The following VPS41 variants were observed in gnomAD, a reference collection of about 807,000 sequenced individuals.
VPS41 encodes vacuolar protein sorting-associated protein 41 homolog.
In VPS41, 85 loss-of-function variants were observed where a neutral mutation model predicts 130.9. That is an observed-to-expected ratio of 0.65 (90% CI 0.55 to 0.78). VPS41 has a LOEUF of 0.78. Ranked by LOEUF, VPS41 falls within the 30% of genes least tolerant of loss-of-function variation. The pLI, the probability that VPS41 is intolerant of heterozygous loss-of-function variation, is 0.00. For synonymous variants in VPS41, 335 were observed against 332.9 expected, an observed-to-expected ratio of 1.01 and a Z score of -0.07; for missense variants, 874 against 1,018.7, an observed-to-expected ratio of 0.86 and a Z score of 1.93.
In VPS41 at chr7:38,796,740, T is replaced by G; in HGVS notation, c.570+5A>C. 1 of 1,613,732 alleles carries G rather than the reference T, an allele frequency of 6.2e-7. No individual in the cohort carries two copies. The highest frequency in any genetic ancestry group is 8.5e-7 in the Non-Finnish European group (1 of 1,179,734). The stretch of plus-strand genomic sequence containing the variant: ...GCATTAGGAAGACAGAGGCATATTT[T>G]TTACCATATTATTGGCCCAAGCAAT... On this transcript the variant is annotated splice_donor_5th_base_variant and intron_variant, in intron 8 of 28. Transcript: ENST00000310301.
intron 27 of VPS41, among the ~76,000 whole-genome samples, chr7:38,727,700 T>C (rs1795575947): frequency 6.6e-6 from 1 of 152,172 alleles, no homozygotes; most frequent in Non-Finnish European, 1.5e-5. Context: ...TAGAACAACT[T>C]CTCATGGACT....
chr7:38,893,445 T>C (rs1022851877), intron 2 of VPS41, among the ~76,000 whole-genome samples: 1 of 152,232 alleles, frequency 6.6e-6, no homozygotes, highest in Admixed American at 6.5e-5. Context: ...AGAGCAATCA[T>C]CCCTAAGTAT....
chr7:38,752,804 T>C (rs1335521297), intron 21 of VPS41, among the ~76,000 whole-genome samples: 3 of 152,202 alleles, frequency 2.0e-5, no homozygotes, highest in Non-Finnish European at 4.4e-5. Context: ...GGTAGAGTCC[T>C]GGGACAAGCA....
chr7:38,771,251 C>T lies in VPS41; in HGVS notation c.1132G>A (p.Ala378Thr), dbSNP rs1784147756. The T allele has an allele frequency of 7.5e-6, 12 of 1,590,100 alleles. No homozygotes were observed. The highest frequency in any genetic ancestry group is 9.4e-6 in the Non-Finnish European group (11 of 1,169,864). Residue 378 changes from alanine (A) to threonine (T), a missense_variant, in exon 14 of 29, where the codon GCA becomes ACA. Ala to Thr is a moderately conservative substitution (Grantham distance 58, BLOSUM62 0). Coordinates refer to ENST00000310301, the MANE Select transcript of VPS41 (RefSeq NM_014396.4). ...TGGCTAATTTCAGCTGCCATCAATG[C>T]TTCCTTTATTCCAAACATAAGGATG... ...WLLEKKKYEEALMAAEISQKN... is the reference protein window; with the variant it reads ...WLLEKKKYEETLMAAEISQKN...
At chr7:38,823,832 T>A (rs1785220185) in intron 5 of VPS41, among the ~76,000 whole-genome samples, 2 of 151,966 alleles carry the variant, frequency 1.3e-5, no homozygotes, top group African/African-American at 4.8e-5. Context: ...TACACATATG[T>A]CCCCCCCATC....
intron 4 of VPS41, among the ~76,000 whole-genome samples, chr7:38,832,131 C>T (rs188032473): frequency 4.4e-4 from 67 of 151,782 alleles, no homozygotes; most frequent in African/African-American, 1.5e-3. Context: ...GTTCACTTCT[C>T]TTACTCATTT....
chr7:38,823,674 C>T (rs1420438887), intron 5 of VPS41, among the ~76,000 whole-genome samples: 1 of 152,060 alleles, frequency 6.6e-6, no homozygotes, highest in African/African-American at 2.4e-5. Flanking sequence ...GTTTTGGGGA[C>T]CATCCACTCA....
At chr7:38,890,534 CAAAT>C (rs759664593) in intron 2 of VPS41, among the ~76,000 whole-genome samples, 1 of 152,160 alleles carries the variant, frequency 6.6e-6, no homozygotes, top group Non-Finnish European at 1.5e-5. Context: ...TGCACACACA[CAAAT>C]GAATGCATGT....
intron 8 of VPS41, among the ~76,000 whole-genome samples, chr7:38,795,837 C>A (rs531757737): frequency 2.0e-4 from 31 of 152,274 alleles, no homozygotes; most frequent in African/African-American, 7.5e-4. Flanking sequence ...TCTTAGATGG[C>A]ATGGGTGACT....
chr7:38,903,043 CAT>C (rs761801088), intron 1 of VPS41, among the ~76,000 whole-genome samples: 6 of 152,178 alleles, frequency 3.9e-5, no homozygotes, highest in Non-Finnish European at 7.4e-5. Flanking sequence ...CTTCCTCCTC[CAT>C]ATGTTGCCTT....
intron 7 of VPS41, among the ~76,000 whole-genome samples, chr7:38,813,421 C>T (rs901520540): frequency 3.3e-5 from 5 of 151,880 alleles, no homozygotes; most frequent in East Asian, 1.9e-4. Context: ...TTTGGGGTGA[C>T]GGAAGTGTTC....
chr7:38,766,568 G>C lies in VPS41; in HGVS notation c.1248-907C>G, dbSNP rs562619276. 1.2e-4 allele frequency among the ~76,000 whole-genome samples: 18 copies of C among 152,280 alleles called. No individual in the cohort carries two copies. The South Asian group carries it at 3.5e-3, about 30-fold the overall frequency. On this transcript the variant is annotated intron_variant, in intron 15 of 28. Transcript: ENST00000310301. ...GTAAAATGACGCCTTTAGGACAAAAGGCAGACAAGGTGATAGGGTTTGGCC... is the reference window on the plus strand; with the variant it reads ...GTAAAATGACGCCTTTAGGACAAAACGCAGACAAGGTGATAGGGTTTGGCC...
At chr7:38,782,471 T>C (rs1255438492) in intron 10 of VPS41, among the ~76,000 whole-genome samples, 1 of 152,254 alleles carries the variant, frequency 6.6e-6, no homozygotes, top group Non-Finnish European at 1.5e-5. Context: ...TAAGTTTTGT[T>C]GTAAATGTTG....
chr7:38,819,120 C>CA (rs1785116271), intron 6 of VPS41, among the ~76,000 whole-genome samples: 1 of 152,210 alleles, frequency 6.6e-6, no homozygotes, highest in South Asian at 2.1e-4. Flanking sequence ...CTCTGCTCCT[C>CA]AAACACATTA....
chr7:38,845,217 G>A (rs1002363826), intron 4 of VPS41, among the ~76,000 whole-genome samples: 7 of 152,142 alleles, frequency 4.6e-5, no homozygotes, highest in African/African-American at 1.7e-4. Flanking sequence ...ACTCAAGACA[G>A]TTATTCACAA....
chr7:38,742,605 A>G (rs947800433), intron 24 of VPS41, among the ~76,000 whole-genome samples: 2 of 152,084 alleles, frequency 1.3e-5, no homozygotes, highest in African/African-American at 4.8e-5. Context: ...CAAGTTTATG[A>G]TATGTTCTGC....
intron 9 of VPS41, among the ~76,000 whole-genome samples, chr7:38,795,242 C>T (rs1316532706): frequency 6.6e-6 from 1 of 152,164 alleles, no homozygotes; most frequent in Non-Finnish European, 1.5e-5. Context: ...CCATTCTCAA[C>T]ACGAAAAAGT....
chr7:38,728,665 C>G, intron 26 of VPS41, 27 bp downstream of exon 26: 1 of 1,613,806 alleles, frequency 6.2e-7, no homozygotes, highest in Non-Finnish European at 8.5e-7. Flanking sequence ...GCACGTGGTT[C>G]CATATGATTA....
chr7:38,758,391 T>G lies in VPS41; in HGVS notation c.1513A>C (p.Ser505Arg). 1 of 1,613,456 alleles carries G rather than the reference T, an allele frequency of 6.2e-7. No homozygotes were observed. The highest frequency in any genetic ancestry group is 8.5e-7 in the Non-Finnish European group (1 of 1,179,678). Residue 505 changes from serine to arginine, a missense_variant, in exon 18 of 29, where the codon AGT becomes CGT. Transcript: ENST00000310301. Reference sequence around the variant, plus strand: ...GTTTTAAGTAAAGTCTTGTTCTGACTATCTTTCTTCAAATGATCCCGAACT... The same window carrying G: ...GTTTTAAGTAAAGTCTTGTTCTGACGATCTTTCTTCAAATGATCCCGAACT... Reference protein sequence around the residue: ...QAVRDHLKKDSQNKTLLKTLA... With the variant: ...QAVRDHLKKDRQNKTLLKTLA...
Sources: gnomAD v4.1 joint callset for allele counts (sites outside exome capture counted in the v4.1 genomes callset) on GRCh38, gnomAD v4.1.1 for gene constraint, MANE v1.5 for transcripts, NCBI Gene and HGNC (gene_info 2026-07-23, HGNC 2026-07-21) for gene names.